ADAMTS18: variants seen among roughly 807,000 people sequenced by gnomAD.
ADAMTS18 encodes ADAM metallopeptidase with thrombospondin type 1 motif 18.
Under a neutral mutation model 165.9 loss-of-function variants are expected in ADAMTS18, and 157 were observed. The ratio of observed to expected loss-of-function variants is 0.95; its 90% CI spans 0.83 to 1.08. ADAMTS18 has a LOEUF of 1.08. ADAMTS18 is among the 50% of genes least tolerant of loss of function. The pLI is 0.00. For missense variants in ADAMTS18, 2,040 were observed against 1,534.0 expected (o/e 1.33, Z -5.51); for synonymous variants, 782 against 578.2 (o/e 1.35, Z -5.06).
At chr16:77,394,758 G>A (rs1006168912) in intron 3 of ADAMTS18, among the ~76,000 whole-genome samples, 15 of 152,094 alleles carry the variant, frequency 9.9e-5, no homozygotes, top group South Asian at 4.1e-4. Flanking sequence ...TCTACAACCC[G>A]ATAATAAACT....
At chr16:77,295,752 C>T (rs753683616) in intron 18 of ADAMTS18, among the ~76,000 whole-genome samples, 1 of 152,074 alleles carries the variant, frequency 6.6e-6, no homozygotes, top group Non-Finnish European at 1.5e-5. Flanking sequence ...GGTTAAATAC[C>T]TACCTTCATT....
At chr16:77,367,801 C>T (rs1051969706) in intron 3 of ADAMTS18, 78 bp from the exon 4 acceptor site, 8 of 1,554,852 alleles carry the variant, frequency 5.1e-6, no homozygotes, top group Non-Finnish European at 7.1e-6. Context: ...ACAACTGCTT[C>T]TGACTAATTC....
At chr16:77,338,131 T>C (rs777685031) in intron 11 of ADAMTS18, among the ~76,000 whole-genome samples, 1 of 152,148 alleles carries the variant, frequency 6.6e-6, no homozygotes, top group African/African-American at 2.4e-5. Flanking sequence ...CTTGAACTCC[T>C]GACATCAGGC....
chr16:77,365,498 G>C (rs894113521), intron 4 of ADAMTS18, among the ~76,000 whole-genome samples: 1 of 152,164 alleles, frequency 6.6e-6, no homozygotes, highest in African/African-American at 2.4e-5. Flanking sequence ...TTAGTTATTA[G>C]GGAAACAGCA....
chr16:77,334,722 C>CAG (rs1255935115), intron 12 of ADAMTS18, among the ~76,000 whole-genome samples: 2 of 43,324 alleles, frequency 4.6e-5, no homozygotes, highest in Non-Finnish European at 7.7e-5. Context: ...CTATAGTATA[C>CAG]TACTATATAC....
chr16:77,305,022 T>C (rs1230629202), intron 16 of ADAMTS18, among the ~76,000 whole-genome samples: 1 of 152,290 alleles, frequency 6.6e-6, no homozygotes, highest in South Asian at 2.1e-4. Flanking sequence ...CGAAAGACAA[T>C]ATTTGTACAA....
intron 10 of ADAMTS18, among the ~76,000 whole-genome samples, chr16:77,346,538 G>C (rs1026181254): frequency 8.8e-4 from 134 of 152,208 alleles, no homozygotes; most frequent in African/African-American, 3.1e-3. Flanking sequence ...AATGAGTTTT[G>C]CATAAATTAT....
At chr16:77,367,174 GCA>G (rs1258372695) in intron 4 of ADAMTS18, among the ~76,000 whole-genome samples, 1 of 152,114 alleles carries the variant, frequency 6.6e-6, no homozygotes, top group Non-Finnish European at 1.5e-5. Flanking sequence ...TTTCTCGGAA[GCA>G]CAGAAATCAA....
rs1430717616 is a variant in ADAMTS18 at position 77,431,394 on chromosome 16, A to G, written c.396T>C (p.Ala132=). Residue 132 remains alanine, a synonymous_variant, in exon 3 of 23, where the codon GCT becomes GCC. Transcript: ENST00000282849. Reference sequence around the variant, plus strand: ...GCACCTCGGGTTTCTGAGTCTCTGAAGCACCATCTTTTCCAAGTACCTGGA... The same window carrying G: ...GCACCTCGGGTTTCTGAGTCTCTGAGGCACCATCTTTTCCAAGTACCTGGA... ...FIVQVLGKDG[A]SETQKPEVQQ... is the part of the protein sequence containing the mutation. 1 of 1,614,142 alleles carries G rather than the reference A, an allele frequency of 6.2e-7. No individual in the cohort carries two copies. The highest frequency in any genetic ancestry group is 2.2e-5 in the East Asian group (1 of 44,868).
Position 77,289,185 on chromosome 16 carries a change from G to T in ADAMTS18, c.3550+79C>A. On this transcript the variant is annotated intron_variant, in intron 22 of 22. Coordinates refer to ENST00000282849, the MANE Select transcript of ADAMTS18 (RefSeq NM_199355.4). ...ACCCTAGAGTTGTACAATGTCACAGGCTGCACTACTAACAAAGTAGCCTTT... is the reference window on the plus strand; with the variant it reads ...ACCCTAGAGTTGTACAATGTCACAGTCTGCACTACTAACAAAGTAGCCTTT... 3.2e-6 allele frequency: 5 copies of T among 1,543,062 alleles called. No homozygotes were observed. In the South Asian group the frequency reaches 5.6e-5, roughly 17 times the overall value.
intron 22 of ADAMTS18, among the ~76,000 whole-genome samples, chr16:77,287,797 C>T (rs948449579): frequency 3.3e-5 from 5 of 152,144 alleles, no homozygotes; most frequent in Non-Finnish European, 7.3e-5. Context: ...TAAGCCATTT[C>T]TCATATGCAC....
At chr16:77,424,468 C>CA (rs4038057) in intron 3 of ADAMTS18, among the ~76,000 whole-genome samples, 7,289 of 107,604 alleles carry the variant, frequency 0.068, 225 homozygotes, top group East Asian at 0.16. Context: ...AACTCCATCT[C>CA]AAAAAAAAAA....
intron 3 of ADAMTS18, among the ~76,000 whole-genome samples, chr16:77,418,244 C>T (rs532607443): frequency 1.3e-5 from 2 of 152,200 alleles, no homozygotes; most frequent in South Asian, 4.1e-4. Context: ...CATAGATTAC[C>T]TGAAATCATT....
Position 77,291,464 on chromosome 16 carries a change from A to G in ADAMTS18, c.3204T>C (p.Cys1068=). 1 of 1,614,112 alleles carries G rather than the reference A, an allele frequency of 6.2e-7. No homozygotes were observed. Among genetic ancestry groups the G allele is most frequent in the Non-Finnish European group, 8.5e-7 (1 of 1,180,018 alleles). The part of the protein sequence containing the change: ...ASSWSECSAT[C]GLGVRKREMK... ...TCTCCCTCTTCCTCACACCCAAACC[A>G]CAGGTTGCAGAACACTAGGAGCCAA... is the stretch of plus-strand genomic sequence containing the variant. The change falls in exon 21 of 23, where the codon TGT becomes TGC. Residue 1068 remains cysteine (C), a synonymous_variant. Transcript: ENST00000282849.
chr16:77,430,816 C>G (rs1186188167), intron 3 of ADAMTS18, among the ~76,000 whole-genome samples: 1 of 152,190 alleles, frequency 6.6e-6, no homozygotes, highest in East Asian at 1.9e-4. Flanking sequence ...CTTATGTGAG[C>G]AGGACACCAG....
At chr16:77,321,321 T>C (rs530816879) in intron 14 of ADAMTS18, 119 bp from the exon 15 acceptor site, 31 of 1,365,750 alleles carry the variant, frequency 2.3e-5, no homozygotes, top group African/African-American at 2.9e-5. Context: ...GTACAGCTTA[T>C]GGTTAAAAAT....
Position 77,305,830 on chromosome 16 carries a change from A to G in ADAMTS18, c.2533-5426T>C, listed in dbSNP as rs112449300. ...TGGAGAGGTGTGCATAGAACCACCTAAGATGCTAACTTCCTCTACGAATGC... is the reference window on the plus strand; with the variant it reads ...TGGAGAGGTGTGCATAGAACCACCTGAGATGCTAACTTCCTCTACGAATGC... On this transcript the variant is annotated intron_variant, in intron 16 of 22. Transcript: ENST00000282849. Among the ~76,000 whole-genome samples, 406 of 152,318 alleles carry G rather than the reference A, an allele frequency of 2.7e-3. 3 individuals are homozygous for G. Among genetic ancestry groups the G allele is most frequent in the African/African-American group, 9.3e-3 (388 of 41,580 alleles).
intron 12 of ADAMTS18, among the ~76,000 whole-genome samples, chr16:77,332,189 G>A (rs1367946627): frequency 6.6e-6 from 1 of 152,176 alleles, no homozygotes; most frequent in East Asian, 1.9e-4. Context: ...AAACTTCAGA[G>A]TCTATGTTCT....
chr16:77,367,656 T>A lies in ADAMTS18; in HGVS notation c.563A>T (p.Glu188Val). The change falls in exon 4 of 23, where the codon GAA becomes GTA. Residue 188 changes from glutamate to valine, a missense_variant. Physicochemically the swap from Glu to Val is moderately radical, Grantham distance 121 (BLOSUM62 -2). Coordinates refer to ENST00000282849, the MANE Select transcript of ADAMTS18 (RefSeq NM_199355.4). ...ISPLPQLLAQ[E>V]HNYSSPAGHH... ...ACCCGCAGGGGAGCTGTAGTTGTGT[T>A]CCTGGGCCAGAAGCTGAGGTAATGG... The A allele has an allele frequency of 6.2e-7, 1 of 1,614,166 alleles. No homozygotes were observed. The highest frequency in any genetic ancestry group is 8.5e-7 in the Non-Finnish European group (1 of 1,180,026).
Sources: allele counts gnomAD v4.1 joint callset (sites outside exome capture counted in the v4.1 genomes callset), GRCh38; gene constraint gnomAD v4.1.1; transcripts MANE v1.5; gene names NCBI Gene and HGNC (gene_info 2026-07-23, HGNC 2026-07-21).